FMN1: variants seen among roughly 807,000 people sequenced by gnomAD.
FMN1 encodes formin-1.
A neutral mutation model predicts 132.4 loss-of-function variants in FMN1; 110 were observed. The observed-to-expected ratio is 0.83, with a 90% confidence interval of 0.71 to 0.97. FMN1 has a LOEUF of 0.97. Among genes scored for constraint, FMN1 ranks in the 50% least tolerant of loss-of-function variants. The pLI, the probability that FMN1 is intolerant of heterozygous loss-of-function variation, is 0.00. For synonymous variants in FMN1, 722 were observed against 651.7 expected (o/e 1.11, Z -1.64); for missense variants, 1,792 against 1,705.3 (o/e 1.05, Z -0.90).
At position 32,777,483 on chromosome 15, in the gene FMN1, T is replaced by C. The variant is rs973910309; in HGVS notation, c.4131-564A>G. On this transcript the variant is annotated intron_variant, in intron 19 of 20. Transcript: ENST00000616417. ...ATATATTACGTATATTTATATATTA[T>C]ATTTATATATTACGTATAACATATA... Among the ~76,000 whole-genome samples, 12 of 146,552 alleles carry C rather than the reference T, an allele frequency of 8.2e-5. 3 individuals carry two copies. Among genetic ancestry groups the C allele is most frequent in the Non-Finnish European group, 1.5e-4 (10 of 66,916 alleles).
At chr15:32,941,153 T>C (rs1440268705) in intron 9 of FMN1, among the ~76,000 whole-genome samples, 1 of 152,114 alleles carries the variant, frequency 6.6e-6, no homozygotes, top group Non-Finnish European at 1.5e-5. Context: ...AGCCAGTAGA[T>C]AGAATTTATG....
chr15:32,980,540 G>C (rs2032572360), intron 7 of FMN1, among the ~76,000 whole-genome samples: 1 of 152,052 alleles, frequency 6.6e-6, no homozygotes, highest in African/African-American at 2.4e-5. Context: ...ACAGTATTAT[G>C]CCAAAAATTT....
chr15:32,861,448 T>C (rs922197773), intron 16 of FMN1, among the ~76,000 whole-genome samples: 1 of 152,306 alleles, frequency 6.6e-6, no homozygotes, highest in East Asian at 1.9e-4. Context: ...TGTGCTTGGA[T>C]TGAGACCCAC....
chr15:32,996,860 CA>C, intron 7 of FMN1, among the ~76,000 whole-genome samples: 1 of 152,134 alleles, frequency 6.6e-6, no homozygotes, highest in East Asian at 1.9e-4. Flanking sequence ...GCATAGAGAA[CA>C]CAGCTGAATC....
intron 6 of FMN1, among the ~76,000 whole-genome samples, chr15:33,033,192 G>T (rs569251244): frequency 6.6e-6 from 1 of 151,884 alleles, no homozygotes; most frequent in African/African-American, 2.4e-5. Flanking sequence ...CACCACACGC[G>T]GCTAATTTTT....
chr15:33,046,501 A>G (rs1281814792), intron 6 of FMN1, among the ~76,000 whole-genome samples: 3 of 152,224 alleles, frequency 2.0e-5, no homozygotes, highest in Non-Finnish European at 2.9e-5. Flanking sequence ...ATGTTTTGTC[A>G]CAAGTATTTT....
intron 4 of FMN1, among the ~76,000 whole-genome samples, chr15:33,128,081 G>A (rs925279497): frequency 2.0e-5 from 3 of 152,122 alleles, no homozygotes; most frequent in East Asian, 3.9e-4. Context: ...GATGGGAGAA[G>A]AAAACCAAGA....
At chr15:33,116,672 G>A (rs562941203) in intron 4 of FMN1, among the ~76,000 whole-genome samples, 150 of 152,016 alleles carry the variant, frequency 9.9e-4, no homozygotes, top group Admixed American at 1.9e-3. Context: ...AACTGCCTGT[G>A]ATAAAGCAGT....
Position 32,771,308 on chromosome 15 carries a change from G to C in FMN1, c.*3002C>G, listed in dbSNP as rs2056233555. Reference sequence around the variant, plus strand: ...TTAGCCAGGATGGTCTCAATCTCCTGACCTCGTGATCCGCCCCCGCTTGGC... The same window carrying C: ...TTAGCCAGGATGGTCTCAATCTCCTCACCTCGTGATCCGCCCCCGCTTGGC... On this transcript the variant is annotated 3_prime_UTR_variant, in exon 21 of 21. Coordinates refer to ENST00000616417, the MANE Select transcript of FMN1 (RefSeq NM_001277313.2). The C allele has an allele frequency of 6.6e-6, 1 of 151,476 alleles. No individual in the cohort carries two copies. Among genetic ancestry groups the C allele is most frequent in the African/African-American group, 2.4e-5 (1 of 41,156 alleles). The allele number at this position is 151,476 out of a possible 1,614,324, so 9.4% of individuals were successfully genotyped here.
At chr15:32,966,476 A>C (rs550223720) in intron 8 of FMN1, among the ~76,000 whole-genome samples, 5 of 152,066 alleles carry the variant, frequency 3.3e-5, no homozygotes, top group South Asian at 2.1e-4. Context: ...GCTCAAAAGG[A>C]AGGCAGGGGG....
intron 5 of FMN1, among the ~76,000 whole-genome samples, chr15:33,082,093 A>ATGTGTGTGTG (rs61138142): frequency 0.019 from 2,250 of 120,296 alleles, 39 homozygotes; most frequent in African/African-American, 0.043. Flanking sequence ...CTGGAAAACA[A>ATGTGTGTGTG]TGTGTGTGTG....
chr15:33,084,621 A>G (rs184921309), intron 5 of FMN1, among the ~76,000 whole-genome samples: 1 of 152,112 alleles, frequency 6.6e-6, no homozygotes, highest in East Asian at 1.9e-4. Flanking sequence ...TTGTGAAGGT[A>G]AAGGAGGTTT....
chr15:32,958,592 GCTTA>G (rs1567463588), intron 9 of FMN1, among the ~76,000 whole-genome samples: 1 of 144,898 alleles, frequency 6.9e-6, no homozygotes, highest in African/African-American at 2.6e-5. Flanking sequence ...ATACATACAT[GCTTA>G]AACAAGTGCC....
chr15:33,126,505 T>C (rs567483206), intron 4 of FMN1, among the ~76,000 whole-genome samples: 1 of 152,314 alleles, frequency 6.6e-6, no homozygotes, highest in South Asian at 2.1e-4. Context: ...CTACATCTAC[T>C]CCTCTTATTC....
intron 4 of FMN1, among the ~76,000 whole-genome samples, chr15:33,097,654 A>G (rs1480632124): frequency 6.6e-6 from 1 of 152,220 alleles, no homozygotes; most frequent in Non-Finnish European, 1.5e-5. Flanking sequence ...AGACAGAGAG[A>G]TAAACAGAGA....
At chr15:32,961,731 G>A (rs904066569) in intron 9 of FMN1, among the ~76,000 whole-genome samples, 8 of 152,136 alleles carry the variant, frequency 5.3e-5, no homozygotes, top group African/African-American at 1.9e-4. Flanking sequence ...ATTACTTAGA[G>A]AACATTATGA....
intron 6 of FMN1, among the ~76,000 whole-genome samples, chr15:33,051,820 A>G (rs1281950718): frequency 6.6e-6 from 1 of 152,126 alleles, no homozygotes; most frequent in Non-Finnish European, 1.5e-5. Flanking sequence ...ATCCGGGGAG[A>G]AGGACGCAAG....
chr15:33,139,136 C>T (rs1161175115), intron 4 of FMN1, among the ~76,000 whole-genome samples: 2 of 152,180 alleles, frequency 1.3e-5, no homozygotes, highest in African/African-American at 2.4e-5. Context: ...TCGAGAACTT[C>T]ACCTCTTAAT....
Position 33,051,248 on chromosome 15 carries a change from C to A in FMN1, c.2161+13709G>T, listed in dbSNP as rs184696888. Among the ~76,000 whole-genome samples, 605 of 152,140 alleles carry A rather than the reference C, an allele frequency of 4.0e-3. 7 individuals are homozygous for A. Among genetic ancestry groups the A allele is most frequent in the African/African-American group, 0.014 (579 of 41,494 alleles). On this transcript the variant is annotated intron_variant, in intron 6 of 20. Coordinates refer to ENST00000616417, the MANE Select transcript of FMN1 (RefSeq NM_001277313.2). Reference sequence around the variant, plus strand: ...TATCCTTCCTGAGAATCAGATGTGTCCTCTTTAATCAGAATTGAATAAAAC... The same window carrying A: ...TATCCTTCCTGAGAATCAGATGTGTACTCTTTAATCAGAATTGAATAAAAC...
Sources: allele counts gnomAD v4.1 joint callset (sites outside exome capture counted in the v4.1 genomes callset), GRCh38; gene constraint gnomAD v4.1.1; transcripts MANE v1.5; gene names NCBI Gene and HGNC (gene_info 2026-07-23, HGNC 2026-07-21).